NALCN: variants seen among roughly 807,000 people sequenced by gnomAD.
NALCN encodes the protein sodium leak channel NALCN.
A neutral mutation model predicts 225.3 loss-of-function variants in NALCN; 111 were observed. The ratio of observed to expected loss-of-function variants is 0.49; its 90% CI spans 0.42 to 0.58. The LOEUF (loss-of-function observed/expected upper bound fraction) is 0.58, where lower values mean the gene tolerates loss of function less well. Among genes scored for constraint, NALCN ranks in the 20% least tolerant of loss-of-function variants. The pLI is 0.00. For missense variants in NALCN, 1,378 were observed against 2,202.4 expected, an observed-to-expected ratio of 0.63 and a Z score of 7.49; for synonymous variants, 764 against 769.0, an observed-to-expected ratio of 0.99 and a Z score of 0.11.
At chr13:101,195,470 A>C (rs2140017428) in intron 13 of NALCN, among the ~76,000 whole-genome samples, 1 of 152,284 alleles carries the variant, frequency 6.6e-6, no homozygotes, top group Middle Eastern at 3.4e-3. Flanking sequence ...ATTAGACATA[A>C]ATTTACCCAT....
At chr13:101,252,999 G>T (rs1297422690) in intron 11 of NALCN, among the ~76,000 whole-genome samples, 2 of 151,628 alleles carry the variant, frequency 1.3e-5, no homozygotes, top group Admixed American at 1.3e-4. Flanking sequence ...GAAAAATATT[G>T]CTTATATTTT....
rs56739782 is a variant in NALCN, at chr13:101,369,166, A to ATGTGTGTGTGTGTGTGTG, written c.644+7516_644+7533dup. On this transcript the variant is annotated intron_variant, in intron 6 of 43. Transcript: ENST00000251127. ...GTCACATAAAAAGAAGACAAAATAA[A>ATGTGTGTGTGTGTGTGTG]TGTGTGTGTGTGTGTGTGTGTGTGT... is the stretch of plus-strand genomic sequence containing the variant. Among the ~76,000 whole-genome samples the ATGTGTGTGTGTGTGTGTG allele has an allele frequency of 9.5e-3, 1,395 of 146,398 alleles. 14 individuals carry two copies. Among genetic ancestry groups the ATGTGTGTGTGTGTGTGTG allele is most frequent in the Admixed American group, 0.015 (224 of 14,608 alleles).
intron 7 of NALCN, among the ~76,000 whole-genome samples, chr13:101,308,362 C>T (rs2044223476): frequency 6.6e-6 from 1 of 152,144 alleles, no homozygotes; most frequent in Non-Finnish European, 1.5e-5. Flanking sequence ...AAACTCCTTC[C>T]CTGGACTCAT....
chr13:101,265,365 C>T (rs753197026), intron 10 of NALCN, among the ~76,000 whole-genome samples: 3 of 152,146 alleles, frequency 2.0e-5, no homozygotes, highest in Non-Finnish European at 2.9e-5. Context: ...GCAACCAACG[C>T]TTTCATCTTG....
chr13:101,304,850 T>C (rs1360596696), intron 7 of NALCN, among the ~76,000 whole-genome samples: 1 of 148,388 alleles, frequency 6.7e-6, no homozygotes, highest in Non-Finnish European at 1.5e-5. Flanking sequence ...CCGCCTCCCG[T>C]GTTAAAGTGA....
chr13:101,108,404 G>A (rs2035256214), intron 20 of NALCN, among the ~76,000 whole-genome samples: 1 of 152,122 alleles, frequency 6.6e-6, no homozygotes, highest in Admixed American at 6.6e-5. Flanking sequence ...GTGGGAGACA[G>A]ATAAAAAATA....
At chr13:101,151,834 A>G (rs1164762522) in intron 15 of NALCN, among the ~76,000 whole-genome samples, 2 of 152,184 alleles carry the variant, frequency 1.3e-5, no homozygotes, top group Admixed American at 1.3e-4. Flanking sequence ...TTGGTTTTTA[A>G]TAATACCTCT....
intron 7 of NALCN, among the ~76,000 whole-genome samples, chr13:101,296,893 G>A (rs1264080223): frequency 6.6e-6 from 1 of 152,168 alleles, no homozygotes; most frequent in African/African-American, 2.4e-5. Flanking sequence ...TAAATAAGAA[G>A]ACCACAAGTC....
intron 7 of NALCN, among the ~76,000 whole-genome samples, chr13:101,329,316 T>C (rs1383391618): frequency 2.0e-5 from 3 of 152,220 alleles, no homozygotes; most frequent in African/African-American, 7.2e-5. Flanking sequence ...GAAGTACTTA[T>C]ATGGAAAGTG....
At chr13:101,059,763 T>C in intron 42 of NALCN, 55 bp downstream of exon 42, 1 of 1,532,488 alleles carries the variant, frequency 6.5e-7, no homozygotes. Flanking sequence ...TTATTTTTAT[T>C]AAAAGAAAGA....
At chr13:101,139,509 A>G (rs564129556) in intron 17 of NALCN, among the ~76,000 whole-genome samples, 52 of 152,286 alleles carry the variant, frequency 3.4e-4, no homozygotes, top group African/African-American at 1.2e-3. Flanking sequence ...TGTTATGAGA[A>G]TCACCGATAA....
At chr13:101,293,602 T>C (rs995587454) in intron 7 of NALCN, among the ~76,000 whole-genome samples, 2 of 152,210 alleles carry the variant, frequency 1.3e-5, no homozygotes, top group African/African-American at 4.8e-5. Flanking sequence ...TATGACCAAG[T>C]ATCCAAACAA....
At chr13:101,400,879 T>C (rs61973733) in intron 1 of NALCN, among the ~76,000 whole-genome samples, 29,247 of 151,868 alleles carry the variant, frequency 0.19, 3,338 homozygotes, top group Non-Finnish European at 0.26. Context: ...TGATAGGGAG[T>C]GAGTTCTCAC....
At chr13:101,401,689 A>G (rs568971703) in intron 1 of NALCN, among the ~76,000 whole-genome samples, 1 of 152,296 alleles carries the variant, frequency 6.6e-6, no homozygotes, top group South Asian at 2.1e-4. Flanking sequence ...AAAATAGTGC[A>G]ATTATAACTG....
At chr13:101,167,714 T>G (rs1029757253) in intron 15 of NALCN, among the ~76,000 whole-genome samples, 2 of 89,016 alleles carry the variant, frequency 2.2e-5, no homozygotes, top group Admixed American at 1.0e-4. Context: ...GGTGCATGCC[T>G]GTAATCCCAG....
chr13:101,160,856 G>A (rs559457134), intron 15 of NALCN, among the ~76,000 whole-genome samples: 5 of 152,184 alleles, frequency 3.3e-5, no homozygotes, highest in East Asian at 1.9e-4. Context: ...TAGCTGGATC[G>A]ACCAAATCTG....
At position 101,082,171 on chromosome 13, in the gene NALCN, C is replaced by G. The variant is rs904748181; in HGVS notation, c.3766-525G>C. ...GGGGTTACAGGAGTGAGCCAGCATG[C>G]TCGGTTATACTATCTATTTAAAGAA... On this transcript the variant is annotated intron_variant, in intron 33 of 43. Coordinates refer to ENST00000251127, the MANE Select transcript of NALCN (RefSeq NM_052867.4). Among the ~76,000 whole-genome samples, 10 of 152,260 alleles carry G rather than the reference C, an allele frequency of 6.6e-5. No homozygotes were observed. The South Asian group carries it at 2.1e-3, about 32-fold the overall frequency.
intron 10 of NALCN, among the ~76,000 whole-genome samples, chr13:101,273,801 C>T (rs2042879532): frequency 1.4e-5 from 2 of 147,672 alleles, no homozygotes; most frequent in African/African-American, 5.0e-5. Flanking sequence ...AGGAGAATGG[C>T]GTGAACCCAG....
intron 7 of NALCN, among the ~76,000 whole-genome samples, chr13:101,324,687 G>A (rs987751681): frequency 1.3e-5 from 2 of 152,056 alleles, no homozygotes; most frequent in Non-Finnish European, 1.5e-5. Flanking sequence ...TGAGACGATG[G>A]GGTTTTCTAG....
Sources: gnomAD v4.1 joint callset for allele counts (sites outside exome capture counted in the v4.1 genomes callset) on GRCh38, gnomAD v4.1.1 for gene constraint, MANE v1.5 for transcripts, NCBI Gene and HGNC (gene_info 2026-07-23, HGNC 2026-07-21) for gene names.